Variants in CHN2 observed in about 807,000 individuals in gnomAD.
CHN2 encodes chimerin 2, also known as beta-chimaerin.
Under a neutral mutation model 56.3 loss-of-function variants are expected in CHN2, and 35 were observed. That is an observed-to-expected ratio of 0.62 (90% CI 0.47 to 0.82). The LOEUF is 0.82. CHN2 is among the 40% of genes least tolerant of loss of function. The probability of loss-of-function intolerance (pLI) is 0.00; values close to 1 mark genes in which losing one functional copy is unlikely to be tolerated. For synonymous variants in CHN2, 210 were observed against 212.8 expected (o/e 0.99, Z 0.12); for missense variants, 491 against 580.5 (o/e 0.85, Z 1.58).
chr7:29,480,483 G>A (rs753078354), intron 7 of CHN2, 127 bp downstream of exon 7: 58 of 1,019,830 alleles, frequency 5.7e-5, no homozygotes, highest in Non-Finnish European at 7.9e-5. Flanking sequence ...TCCACATTTA[G>A]CTATAAGCTT....
intron 1 of CHN2, among the ~76,000 whole-genome samples, chr7:29,297,211 C>G (rs187509411): frequency 4.6e-5 from 7 of 152,304 alleles, no homozygotes; most frequent in Non-Finnish European, 8.8e-5. Flanking sequence ...CAGGTTCCAC[C>G]CTGGAACAGG....
intron 1 of CHN2, chr7:29,212,694 G>A (rs1161332215): frequency 5.1e-6 from 8 of 1,555,558 alleles, no homozygotes; most frequent in Admixed American, 1.7e-5. Flanking sequence ...TCCAATATCT[G>A]GAACCTCAGC....
At chr7:29,302,636 A>G (rs1036089163) in intron 1 of CHN2, among the ~76,000 whole-genome samples, 1 of 150,136 alleles carries the variant, frequency 6.7e-6, no homozygotes, top group Non-Finnish European at 1.5e-5. Context: ...CCCCATTTTA[A>G]CCATTTTTAA....
intron 2 of CHN2, among the ~76,000 whole-genome samples, chr7:29,157,620 G>T (rs1794586223): frequency 6.6e-6 from 1 of 152,166 alleles, no homozygotes; most frequent in Non-Finnish European, 1.5e-5. Flanking sequence ...CTAATGTTGG[G>T]ATAGGTCAAA....
At chr7:29,273,343 G>GTATATATATA (rs55722880) in intron 1 of CHN2, among the ~76,000 whole-genome samples, 38 of 58,162 alleles carry the variant, frequency 6.5e-4, no homozygotes, top group Admixed American at 1.2e-3. Flanking sequence ...ATATATATGT[G>GTATATATATA]TATATATATA....
At chr7:29,507,166 T>C (rs992993749) in intron 10 of CHN2, 62 bp from the exon 11 acceptor site, 2 of 1,466,566 alleles carry the variant, frequency 1.4e-6, no homozygotes, top group Non-Finnish European at 1.8e-6. Context: ...TTTTTTCCTT[T>C]CTGTACATGC....
intron 1 of CHN2, among the ~76,000 whole-genome samples, chr7:29,238,944 C>T (rs1007046885): frequency 6.6e-6 from 1 of 152,298 alleles, no homozygotes; most frequent in East Asian, 1.9e-4. Flanking sequence ...GAGGGTGGTT[C>T]ATAGATCTTA....
At chr7:29,395,050 AGTAATACATG>A (rs1801639584) in intron 4 of CHN2, among the ~76,000 whole-genome samples, 1 of 152,198 alleles carries the variant, frequency 6.6e-6, no homozygotes, top group South Asian at 2.1e-4. Context: ...CCACTTAAAA[AGTAATACATG>A]CTTCATTCAG....
chr7:29,156,647 C>G (rs1446672266), intron 2 of CHN2, among the ~76,000 whole-genome samples: 1 of 152,046 alleles, frequency 6.6e-6, no homozygotes, highest in Non-Finnish European at 1.5e-5. Context: ...TCTATAAACG[C>G]TAATTAAATA....
intron 1 of CHN2, among the ~76,000 whole-genome samples, chr7:29,202,661 T>C (rs1784246236): frequency 6.6e-6 from 1 of 152,240 alleles, no homozygotes. Flanking sequence ...GTGATAACCT[T>C]ATGCAATTCT....
chr7:29,420,083 A>G (rs1358315967), intron 6 of CHN2, among the ~76,000 whole-genome samples: 5 of 151,202 alleles, frequency 3.3e-5, no homozygotes, highest in African/African-American at 9.7e-5. Context: ...AAATTATCTC[A>G]CACCTATTAG....
In CHN2 at chr7:29,449,558, G is replaced by A. The variant is rs115575381; in HGVS notation, c.577-30721G>A. Among the ~76,000 whole-genome samples the A allele has an allele frequency of 2.6e-3, 395 of 152,338 alleles. 3 individuals are homozygous for A. The highest frequency in any genetic ancestry group is 8.8e-3 in the African/African-American group (365 of 41,578). Reference sequence around the variant, plus strand: ...ACAGAGACTATATGGGCTACAAATCGTAAAGTATTTACTGTTGGTACTTTA... The same window carrying A: ...ACAGAGACTATATGGGCTACAAATCATAAAGTATTTACTGTTGGTACTTTA... On this transcript the variant is annotated intron_variant, in intron 6 of 12. Transcript: ENST00000222792.
At chr7:29,300,443 G>A (rs1425960470) in intron 1 of CHN2, among the ~76,000 whole-genome samples, 1 of 152,078 alleles carries the variant, frequency 6.6e-6, no homozygotes, top group South Asian at 2.1e-4. Context: ...ATGCCTTCCT[G>A]GGCCTTTGAC....
chr7:29,206,321 G>A (rs938057984), intron 1 of CHN2, among the ~76,000 whole-genome samples: 3 of 152,084 alleles, frequency 2.0e-5, no homozygotes, highest in South Asian at 2.1e-4. Flanking sequence ...AAACTCTATC[G>A]CCCAGGCTGG....
intron 1 of CHN2, among the ~76,000 whole-genome samples, chr7:29,292,618 G>A (rs964180057): frequency 1.3e-5 from 2 of 152,176 alleles, no homozygotes; most frequent in East Asian, 1.9e-4. Context: ...TATTGATACT[G>A]CCACAGTTCT....
intron 1 of CHN2, among the ~76,000 whole-genome samples, chr7:29,342,789 GC>G (rs1468489715): frequency 6.6e-6 from 1 of 152,168 alleles, no homozygotes; most frequent in Non-Finnish European, 1.5e-5. Flanking sequence ...ATAACACTCC[GC>G]TTTCTACCTT....
intron 2 of CHN2, among the ~76,000 whole-genome samples, chr7:29,154,469 A>G (rs1452395334): frequency 3.3e-5 from 5 of 152,178 alleles, no homozygotes; most frequent in African/African-American, 4.8e-5. Context: ...TTTCAAAAAC[A>G]TAAAAAGAGA....
At chr7:29,467,429 T>C (rs920552163) in intron 6 of CHN2, among the ~76,000 whole-genome samples, 1 of 152,166 alleles carries the variant, frequency 6.6e-6, no homozygotes, top group South Asian at 2.1e-4. Flanking sequence ...TGTTGTTGCA[T>C]AGGGGAAAGA....
intron 6 of CHN2, among the ~76,000 whole-genome samples, chr7:29,428,168 A>G (rs578200529): frequency 1.3e-5 from 2 of 152,248 alleles, no homozygotes; most frequent in South Asian, 4.2e-4. Flanking sequence ...TAAAATGGGG[A>G]CTATGATAGC....
Sources: gnomAD v4.1 joint callset for allele counts (sites outside exome capture counted in the v4.1 genomes callset) on GRCh38, gnomAD v4.1.1 for gene constraint, MANE v1.5 for transcripts, NCBI Gene and HGNC (gene_info 2026-07-23, HGNC 2026-07-21) for gene names.